The following TASP1 variants were observed in gnomAD, a reference collection of about 807,000 sequenced individuals.
The protein encoded by TASP1 is taspase 1.
Under a neutral mutation model 56.6 loss-of-function variants are expected in TASP1, and 16 were observed. That is an observed-to-expected ratio of 0.28 (90% CI 0.19 to 0.43). The LOEUF (loss-of-function observed/expected upper bound fraction) is 0.43, where lower values mean the gene tolerates loss of function less well. Among genes scored for constraint, TASP1 ranks in the 20% least tolerant of loss-of-function variants. The pLI, the probability that TASP1 is intolerant of heterozygous loss-of-function variation, is 1.00. For synonymous variants in TASP1, 179 were observed against 184.2 expected, an observed-to-expected ratio of 0.97 and a Z score of 0.23; for missense variants, 393 against 511.6, an observed-to-expected ratio of 0.77 and a Z score of 2.24.
the TASP1 span, among the ~76,000 whole-genome samples, chr20:13,163,695 A>G: frequency 6.6e-6 from 1 of 152,114 alleles, no homozygotes; most frequent in Non-Finnish European, 1.5e-5. Context: ...TGTCAGTTTG[A>G]AAGATTTCCC....
the TASP1 span, among the ~76,000 whole-genome samples, chr20:13,152,785 T>G: frequency 6.6e-6 from 1 of 152,168 alleles, no homozygotes; most frequent in Non-Finnish European, 1.5e-5. Flanking sequence ...TGGAGGAGGA[T>G]GCTGAACACA....
rs796179829 is a variant in TASP1 at position 13,539,323 on chromosome 20, GA to G, written c.676-5183del. Among the ~76,000 whole-genome samples the G allele has an allele frequency of 2.0e-5, 3 of 151,908 alleles. No homozygotes were observed. In the South Asian group the frequency reaches 6.2e-4, roughly 32 times the overall value. On this transcript the variant is annotated intron_variant, in intron 8 of 13. Coordinates refer to ENST00000337743, the MANE Select transcript of TASP1 (RefSeq NM_017714.3). ...ACCAAATATATTTATAGAGCAAGAG[GA>G]AAAAAATGTATACCATATAAAAATC...
intron 10 of TASP1, among the ~76,000 whole-genome samples, chr20:13,524,124 G>T (rs144738609): frequency 9.9e-5 from 15 of 151,796 alleles, no homozygotes; most frequent in African/African-American, 3.4e-4. Context: ...ATTCACTCCA[G>T]CCTAGGCGAC....
chr20:13,176,137 G>T, the TASP1 span, among the ~76,000 whole-genome samples: 2 of 152,176 alleles, frequency 1.3e-5, no homozygotes, highest in South Asian at 4.1e-4. Flanking sequence ...AAGAAATAAG[G>T]AGATAGGAAA....
At chr20:13,417,631 C>A in intron 12 of TASP1, 110 bp from the exon 13 acceptor site, 2 of 1,100,386 alleles carry the variant, frequency 1.8e-6, no homozygotes, top group Non-Finnish European at 2.6e-6. Context: ...ACACTCAGTT[C>A]CCCACTTTCC....
the TASP1 span, among the ~76,000 whole-genome samples, chr20:13,214,266 C>G: frequency 5.9e-5 from 9 of 152,108 alleles, no homozygotes; most frequent in African/African-American, 2.2e-4. Context: ...ATGAACTACC[C>G]TATTCACAAG....
At chr20:13,160,958 G>C in the TASP1 span, among the ~76,000 whole-genome samples, 5 of 152,146 alleles carry the variant, frequency 3.3e-5, no homozygotes, top group African/African-American at 1.2e-4. Flanking sequence ...CTTCCAATCA[G>C]TGGAGTGACA....
At chr20:13,452,522 A>G (rs1568820639) in intron 11 of TASP1, among the ~76,000 whole-genome samples, 1 of 152,020 alleles carries the variant, frequency 6.6e-6, no homozygotes, top group Non-Finnish European at 1.5e-5. Context: ...TTTTATATAT[A>G]CAAATTCATA....
the TASP1 span, among the ~76,000 whole-genome samples, chr20:13,214,881 T>TGGCGCAA: frequency 6.6e-6 from 1 of 152,180 alleles, no homozygotes; most frequent in South Asian, 2.1e-4. Context: ...TAATAGAGGA[T>TGGCGCAA]GGCGCAAGGA....
chr20:13,173,331 T>C, the TASP1 span, among the ~76,000 whole-genome samples: 1 of 152,198 alleles, frequency 6.6e-6, no homozygotes, highest in Admixed American at 6.5e-5. Context: ...TGAAATCTTA[T>C]AAGCTTCATC....
chr20:13,308,934 C>G, the TASP1 span, among the ~76,000 whole-genome samples: 1 of 152,030 alleles, frequency 6.6e-6, no homozygotes, highest in African/African-American at 2.4e-5. Flanking sequence ...AGTCTATAAA[C>G]CAGAAGAGGA....
the TASP1 span, among the ~76,000 whole-genome samples, chr20:13,350,587 G>A: frequency 6.6e-6 from 1 of 152,014 alleles, no homozygotes; most frequent in Non-Finnish European, 1.5e-5. Context: ...ATAAATATTT[G>A]CAAATCACAT....
At chr20:13,557,771 C>G (rs2046214782) in intron 8 of TASP1, among the ~76,000 whole-genome samples, 1 of 151,378 alleles carries the variant, frequency 6.6e-6, no homozygotes, top group Non-Finnish European at 1.5e-5. Context: ...TGGGGTTTTC[C>G]TTGTTGCCCA....
At chr20:13,283,793 G>C in the TASP1 span, among the ~76,000 whole-genome samples, 1 of 152,120 alleles carries the variant, frequency 6.6e-6, no homozygotes, top group South Asian at 2.1e-4. Flanking sequence ...TGTTACTTGG[G>C]TTAGGACCCA....
At chr20:13,298,781 G>T in the TASP1 span, among the ~76,000 whole-genome samples, 2 of 152,138 alleles carry the variant, frequency 1.3e-5, no homozygotes, top group Non-Finnish European at 2.9e-5. Flanking sequence ...GGCTGCAGGG[G>T]TGTCTGGCTC....
At chr20:13,636,107 A>G (rs2049295544) in intron 1 of TASP1, among the ~76,000 whole-genome samples, 1 of 147,650 alleles carries the variant, frequency 6.8e-6, no homozygotes, top group African/African-American at 2.5e-5. Context: ...CCCTTAAGCT[A>G]TTACAACTCA....
the TASP1 span, among the ~76,000 whole-genome samples, chr20:13,199,672 AT>A: frequency 6.6e-6 from 1 of 152,168 alleles, no homozygotes; most frequent in Non-Finnish European, 1.5e-5. Flanking sequence ...CTGACTGTGT[AT>A]TTGCTTCTAG....
intron 8 of TASP1, among the ~76,000 whole-genome samples, chr20:13,551,509 A>T (rs2045982179): frequency 6.6e-6 from 1 of 152,192 alleles, no homozygotes; most frequent in Non-Finnish European, 1.5e-5. Context: ...GTTGAGATCA[A>T]ACAATACCCC....
At chr20:13,455,881 T>C (rs953765833) in intron 11 of TASP1, among the ~76,000 whole-genome samples, 6 of 152,206 alleles carry the variant, frequency 3.9e-5, no homozygotes, top group African/African-American at 1.4e-4. Flanking sequence ...GCAATAGATA[T>C]CTCAATTGCT....
Sources: allele counts gnomAD v4.1 joint callset (sites outside exome capture counted in the v4.1 genomes callset), GRCh38; gene constraint gnomAD v4.1.1; transcripts MANE v1.5; gene names NCBI Gene and HGNC (gene_info 2026-07-23, HGNC 2026-07-21).